Variants in CREB5 observed in about 807,000 individuals in gnomAD.
CREB5 encodes cyclic AMP-responsive element-binding protein 5.
CREB5 carries 19 observed loss-of-function variants against 57.1 expected under a neutral mutation model. The observed-to-expected ratio is 0.33, with a 90% CI of 0.23 to 0.49. The LOEUF (loss-of-function observed/expected upper bound fraction) is 0.49, where lower values mean the gene tolerates loss of function less well. Among genes scored for constraint, CREB5 ranks in the 20% least tolerant of loss-of-function variants. The probability of loss-of-function intolerance (pLI) is 0.99; values close to 1 mark genes in which losing one functional copy is unlikely to be tolerated. For missense variants in CREB5, 579 were observed against 671.6 expected (o/e 0.86, Z 1.52); for synonymous variants, 238 against 238.3 (o/e 1.00, Z 0.01).
intron 1 of CREB5, among the ~76,000 whole-genome samples, chr7:28,426,197 A>C (rs1172472148): frequency 6.6e-6 from 1 of 152,184 alleles, no homozygotes; most frequent in Non-Finnish European, 1.5e-5. Context: ...TTCATAACAA[A>C]CTTAGCAAAG....
chr7:28,487,040 G>A (rs897062105), intron 1 of CREB5, among the ~76,000 whole-genome samples: 22 of 152,098 alleles, frequency 1.4e-4, no homozygotes, highest in African/African-American at 1.9e-4. Flanking sequence ...TTTTTGAGAC[G>A]GAGTCTTGCT....
At chr7:28,612,214 G>T (rs1797419455) in intron 5 of CREB5, among the ~76,000 whole-genome samples, 1 of 152,000 alleles carries the variant, frequency 6.6e-6, no homozygotes, top group Non-Finnish European at 1.5e-5. Context: ...TCATTTCTCT[G>T]AATGAGTCAG....
At chr7:28,519,468 T>G (rs561265156) in intron 4 of CREB5, among the ~76,000 whole-genome samples, 87 of 152,354 alleles carry the variant, frequency 5.7e-4, no homozygotes, top group African/African-American at 1.9e-3. Flanking sequence ...CCTTTGATTT[T>G]GAAGATGGCG....
chr7:28,324,723 T>G (rs1785552092), intron 1 of CREB5, among the ~76,000 whole-genome samples: 1 of 152,220 alleles, frequency 6.6e-6, no homozygotes, highest in African/African-American at 2.4e-5. Context: ...GCTCTTTGCT[T>G]TGACTTTCAG....
At position 28,412,597 on chromosome 7, in the gene CREB5, C is replaced by T. The variant is rs1317869425; in HGVS notation, c.-318C>T. ...TTCCACAAATTTTTAGTCACATTTT[C>T]CATGTCAGTTAAATCTAGGGAGTTC... On this transcript the variant is annotated 5_prime_UTR_variant, in exon 1 of 11. Coordinates refer to ENST00000357727, the MANE Select transcript of CREB5 (RefSeq NM_182898.4). The T allele has an allele frequency of 7.7e-6, 2 of 259,558 alleles. No individual in the cohort carries two copies. Among genetic ancestry groups the T allele is most frequent in the Non-Finnish European group, 7.2e-6 (1 of 138,202 alleles). The allele number at this position is 259,558 out of a possible 1,614,324, so 16.1% of individuals were successfully genotyped here.
intron 7 of CREB5, among the ~76,000 whole-genome samples, chr7:28,772,297 A>G (rs1806369976): frequency 6.6e-6 from 1 of 152,144 alleles, no homozygotes; most frequent in Non-Finnish European, 1.5e-5. Context: ...GCAAAAGAGC[A>G]ATGAGGGCTG....
At chr7:28,408,768 A>G (rs77793954), upstream of CREB5, among the ~76,000 whole-genome samples, 18,103 of 152,018 alleles carry the variant, frequency 0.12, 1,261 homozygotes, top group African/African-American at 0.17. Flanking sequence ...AGGTGAGATG[A>G]GGGGGCGGTG....
intron 8 of CREB5, among the ~76,000 whole-genome samples, chr7:28,806,782 T>C (rs1042908514): frequency 6.6e-6 from 1 of 152,154 alleles, no homozygotes; most frequent in Admixed American, 6.5e-5. Flanking sequence ...GTATCATGGG[T>C]TACAGGTTGA....
Position 28,728,596 on chromosome 7 carries a change from T to C in CREB5, c.702+4264T>C, listed in dbSNP as rs141752601. ...ACTAACTGGTACAGCTTCACTGTTC[T>C]TTATCCAAACACATTCTTGTCTTGA... On this transcript the variant is annotated intron_variant, in intron 7 of 10. Transcript: ENST00000357727. Among the ~76,000 whole-genome samples the C allele has an allele frequency of 1.5e-4, 23 of 152,344 alleles. No homozygotes were observed. The East Asian group carries it at 4.4e-3, about 29-fold the overall frequency.
At chr7:28,630,237 C>T (rs1798152896) in intron 5 of CREB5, among the ~76,000 whole-genome samples, 1 of 152,190 alleles carries the variant, frequency 6.6e-6, no homozygotes, top group Non-Finnish European at 1.5e-5. Flanking sequence ...TGATACCTGT[C>T]TTGTTTCTCT....
chr7:28,531,437 G>A (rs1030593404), intron 4 of CREB5, among the ~76,000 whole-genome samples: 1 of 152,080 alleles, frequency 6.6e-6, no homozygotes, highest in Non-Finnish European at 1.5e-5. Context: ...TGTTCATATG[G>A]TGTTCATCCT....
chr7:28,751,020 A>G (rs981900740), intron 7 of CREB5, among the ~76,000 whole-genome samples: 3 of 152,138 alleles, frequency 2.0e-5, no homozygotes, highest in Non-Finnish European at 4.4e-5. Context: ...TAATCTCATC[A>G]AGAATTAAAT....
chr7:28,504,665 AG>A, intron 3 of CREB5, among the ~76,000 whole-genome samples: 1 of 152,258 alleles, frequency 6.6e-6, no homozygotes, highest in African/African-American at 2.4e-5. Context: ...GTAAATCTGA[AG>A]TGGCGCTGCA....
In CREB5 at chr7:28,809,354, C is replaced by T; in HGVS notation, c.1194C>T (p.Val398=). 6.2e-7 allele frequency: 1 copy of T among 1,614,134 alleles called. No homozygotes were observed. Among genetic ancestry groups the T allele is most frequent in the South Asian group, 1.1e-5 (1 of 91,076 alleles). ...AATRCRQKRK[V]WVMSLEKKAE... is the part of the protein sequence containing the mutation. Reference sequence around the variant, plus strand: ...CCCGCTGCAGACAGAAGAGGAAGGTCTGGGTGATGTCATTGGAAAAGAAAG... The same window carrying T: ...CCCGCTGCAGACAGAAGAGGAAGGTTTGGGTGATGTCATTGGAAAAGAAAG... The change falls in exon 9 of 11, where the codon GTC becomes GTT. Residue 398 remains valine, a synonymous_variant. Coordinates refer to ENST00000357727, the MANE Select transcript of CREB5 (RefSeq NM_182898.4).
chr7:28,579,514 G>A (rs954740613), intron 5 of CREB5, among the ~76,000 whole-genome samples: 3 of 152,132 alleles, frequency 2.0e-5, no homozygotes, highest in Non-Finnish European at 4.4e-5. Flanking sequence ...AAAATGATAG[G>A]ACCCTTGTGA....
chr7:28,499,372 GC>G (rs1792183700), intron 3 of CREB5, among the ~76,000 whole-genome samples: 1 of 152,092 alleles, frequency 6.6e-6, no homozygotes, highest in Non-Finnish European at 1.5e-5. Flanking sequence ...GGTTGAGACA[GC>G]CCTCCAAGGT....
chr7:28,768,210 G>T (rs1044589305), intron 7 of CREB5, among the ~76,000 whole-genome samples: 1 of 152,140 alleles, frequency 6.6e-6, no homozygotes, highest in Admixed American at 6.5e-5. Flanking sequence ...TGTTTCCTCA[G>T]AAGGGAAAGA....
chr7:28,333,795 G>A (rs1441254927), intron 1 of CREB5, among the ~76,000 whole-genome samples: 1 of 152,106 alleles, frequency 6.6e-6, no homozygotes, highest in African/African-American at 2.4e-5. Context: ...CCATTCATCT[G>A]CTGATGAACA....
intron 5 of CREB5, among the ~76,000 whole-genome samples, chr7:28,647,322 A>G (rs1798926933): frequency 1.3e-5 from 2 of 151,962 alleles, no homozygotes; most frequent in African/African-American, 2.4e-5. Context: ...GGAGCATCCA[A>G]TTGACCAAGC....
Sources: gnomAD v4.1 joint callset for allele counts (sites outside exome capture counted in the v4.1 genomes callset) on GRCh38, gnomAD v4.1.1 for gene constraint, MANE v1.5 for transcripts, NCBI Gene and HGNC (gene_info 2026-07-23, HGNC 2026-07-21) for gene names.